The following EIF4ENIF1 variants were observed in gnomAD, a reference collection of about 807,000 sequenced individuals.
The protein encoded by EIF4ENIF1 is eukaryotic translation initiation factor 4E transporter.
A neutral mutation model predicts 110.5 loss-of-function variants in EIF4ENIF1; 23 were observed. The observed-to-expected ratio is 0.21, with a 90% CI of 0.15 to 0.29. The LOEUF (loss-of-function observed/expected upper bound fraction) is 0.29. EIF4ENIF1 is among the 10% of genes least tolerant of loss of function. The probability of loss-of-function intolerance (pLI) is 1.00; values close to 1 mark genes in which losing one functional copy is unlikely to be tolerated. For missense variants in EIF4ENIF1, 1,031 were observed against 1,221.1 expected, an observed-to-expected ratio of 0.84 and a Z score of 2.32; for synonymous variants, 440 against 437.0, an observed-to-expected ratio of 1.01 and a Z score of -0.09.
chr22:31,486,519 G>A (rs570723599), intron 2 of EIF4ENIF1, among the ~76,000 whole-genome samples: 32 of 151,576 alleles, frequency 2.1e-4, no homozygotes, highest in African/African-American at 7.0e-4. Flanking sequence ...TGGCTCACAC[G>A]TGTAATCCCA....
At chr22:31,451,464 C>T (rs1392845812) in intron 10 of EIF4ENIF1, among the ~76,000 whole-genome samples, 2 of 150,724 alleles carry the variant, frequency 1.3e-5, no homozygotes, top group African/African-American at 4.9e-5. Context: ...TCAGTAGAGA[C>T]GGGGTTTCAC....
intron 15 of EIF4ENIF1, among the ~76,000 whole-genome samples, chr22:31,444,194 G>A (rs2050390229): frequency 6.6e-6 from 1 of 152,122 alleles, no homozygotes; most frequent in African/African-American, 2.4e-5. Context: ...TTATATCACT[G>A]AGACCTGAAG....
intron 2 of EIF4ENIF1, among the ~76,000 whole-genome samples, chr22:31,487,793 C>CAAA (rs35367724): frequency 7.2e-5 from 5 of 69,016 alleles, no homozygotes; most frequent in African/African-American, 2.1e-4. Context: ...CTGTCGGGTG[C>CAAA]AAAAAAAAAA....
chr22:31,464,355 T>C (rs1601607810), intron 4 of EIF4ENIF1, among the ~76,000 whole-genome samples: 1 of 152,026 alleles, frequency 6.6e-6, no homozygotes, highest in South Asian at 2.1e-4. Context: ...TGTTGAACGG[T>C]TAGATATCCA....
chr22:31,469,792 A>C (rs986626860), intron 3 of EIF4ENIF1, among the ~76,000 whole-genome samples: 2 of 152,208 alleles, frequency 1.3e-5, no homozygotes, highest in African/African-American at 4.8e-5. Context: ...TTCTGGACTC[A>C]GGTGATCCTC....
At chr22:31,466,600 A>C (rs1211566576) in intron 4 of EIF4ENIF1, among the ~76,000 whole-genome samples, 2 of 131,570 alleles carry the variant, frequency 1.5e-5, no homozygotes, top group Admixed American at 1.7e-4. Context: ...AACAAAAAAA[A>C]ACAAAGCAAA....
intron 10 of EIF4ENIF1, 44 bp from the exon 11 acceptor site, chr22:31,450,404 C>T: frequency 6.6e-7 from 1 of 1,504,244 alleles, no homozygotes; most frequent in South Asian, 1.1e-5. Context: ...TCTTAACTCA[C>T]TTAACTTACA....
downstream of EIF4ENIF1, among the ~76,000 whole-genome samples, chr22:31,438,575 C>T (rs1253081934): frequency 6.6e-6 from 1 of 152,128 alleles, no homozygotes; most frequent in Non-Finnish European, 1.5e-5. Context: ...TCAGTTTAAT[C>T]TTGGAAATTA....
rs1486458164 is a variant in EIF4ENIF1 at position 31,440,837 on chromosome 22, A to G, written c.2583T>C (p.His861=). 6.2e-7 allele frequency: 1 copy of G among 1,613,908 alleles called. No individual in the cohort carries two copies. Among genetic ancestry groups the G allele is most frequent in the African/African-American group, 1.3e-5 (1 of 74,930 alleles). The change falls in exon 18 of 19, where the codon CAT becomes CAC. Residue 861 remains histidine (H), a synonymous_variant. Coordinates refer to ENST00000330125, the MANE Select transcript of EIF4ENIF1 (RefSeq NM_019843.4). ...GGATGGGGCCAGATATTCCCTGTAA[A>G]TGACTCAAGTCCATCCCAGGAGGAA... is the stretch of plus-strand genomic sequence containing the variant. ...GVLPPGMDLS[H]LQGISGPILG... is the part of the protein sequence containing the mutation.
intron 14 of EIF4ENIF1, among the ~76,000 whole-genome samples, 163 bp from the exon 15 acceptor site, chr22:31,444,853 AG>A (rs541917296): frequency 4.9e-4 from 75 of 152,366 alleles, no homozygotes; most frequent in African/African-American, 1.8e-3. Context: ...GCACATGCTA[AG>A]CTCTGAGGGA....
intron 10 of EIF4ENIF1, 42 bp from the exon 11 acceptor site, chr22:31,450,402 C>A: frequency 6.6e-7 from 1 of 1,515,634 alleles, no homozygotes; most frequent in Non-Finnish European, 9.2e-7. Flanking sequence ...TTTCTTAACT[C>A]ACTTAACTTA....
chr22:31,467,749 G>A (rs1053955493), intron 4 of EIF4ENIF1, among the ~76,000 whole-genome samples: 1 of 151,700 alleles, frequency 6.6e-6, no homozygotes, highest in Non-Finnish European at 1.5e-5. Context: ...TTGAACCCAG[G>A]AGGCAGAGGT....
At chr22:31,487,872 T>C (rs540384277) in intron 2 of EIF4ENIF1, among the ~76,000 whole-genome samples, 53 of 152,154 alleles carry the variant, frequency 3.5e-4, no homozygotes, top group African/African-American at 1.2e-3. Context: ...TAACCCTTCT[T>C]GTCATCAGTG....
At chr22:31,448,340 A>G (rs1038491980) in intron 12 of EIF4ENIF1, 108 bp from the exon 13 acceptor site, 2 of 1,131,666 alleles carry the variant, frequency 1.8e-6, no homozygotes, top group African/African-American at 3.0e-5. Context: ...CTTGGAAAGC[A>G]CTGATTTATT....
intron 2 of EIF4ENIF1, among the ~76,000 whole-genome samples, chr22:31,487,262 A>G (rs1458541467): frequency 6.6e-6 from 1 of 152,222 alleles, no homozygotes. Context: ...ATCAACTTAC[A>G]TGCTGTCATA....
chr22:31,463,651 TAAAAAAAAAAAAAA>T lies in EIF4ENIF1; in HGVS notation c.585+16_585+29del. On this transcript the variant is annotated intron_variant, in intron 5 of 18. Transcript: ENST00000330125. ...ACAAGAGCGAAACTCCGTCTCAATT[TAAAAAAAAAAAAAA>T]AAAAAAAAGACAAACCCTGAAACGC... The T allele has an allele frequency of 7.5e-7, 1 of 1,333,730 alleles. No individual in the cohort carries two copies. The highest frequency in any genetic ancestry group is 1.5e-5 in the South Asian group (1 of 66,898). 82.6% of individuals were successfully genotyped at this position (1,333,730 alleles called of 1,614,324 possible). A position where few individuals can be genotyped will look rare whatever the true frequency, so the allele number is the denominator to read the frequency against.
At chr22:31,471,462 A>C (rs567224037) in intron 3 of EIF4ENIF1, among the ~76,000 whole-genome samples, 4 of 152,080 alleles carry the variant, frequency 2.6e-5, no homozygotes, top group East Asian at 1.9e-4. Flanking sequence ...CTACAGGCGC[A>C]CGCCACCACG....
chr22:31,452,687 G>A (rs938445755), intron 10 of EIF4ENIF1, among the ~76,000 whole-genome samples: 2 of 152,146 alleles, frequency 1.3e-5, no homozygotes, highest in African/African-American at 4.8e-5. Flanking sequence ...AACGAGAAAG[G>A]AAAATAGGAT....
At chr22:31,441,476 GTTGCAGTGAGCTGAGA>G (rs918870471) in intron 17 of EIF4ENIF1, among the ~76,000 whole-genome samples, 1 of 148,034 alleles carries the variant, frequency 6.8e-6, no homozygotes, top group African/African-American at 2.5e-5. Flanking sequence ...GGAGGCAGAG[GTTGCAGTGAGCTGAGA>G]TTGCGCCACT....
Sources: gnomAD v4.1 joint callset for allele counts (sites outside exome capture counted in the v4.1 genomes callset) on GRCh38, gnomAD v4.1.1 for gene constraint, MANE v1.5 for transcripts, NCBI Gene and HGNC (gene_info 2026-07-23, HGNC 2026-07-21) for gene names.